PRIM2: variants seen among roughly 807,000 people sequenced by gnomAD.
The protein encoded by PRIM2 is DNA primase large subunit.
PRIM2 carries 39 observed loss-of-function variants against 67.3 expected under a neutral mutation model. The ratio of observed to expected loss-of-function variants is 0.58; its 90% CI spans 0.45 to 0.76. The LOEUF is 0.76. Among genes scored for constraint, PRIM2 ranks in the 30% least tolerant of loss-of-function variants. PRIM2 has a pLI of 0.00. For missense variants in PRIM2, 398 were observed against 598.7 expected (o/e 0.66, Z 3.50); for synonymous variants, 143 against 198.7 (o/e 0.72, Z 2.36).
chr6:57,339,604 G>A (rs1481444841), intron 5 of PRIM2, among the ~76,000 whole-genome samples: 2 of 152,148 alleles, frequency 1.3e-5, no homozygotes, highest in East Asian at 1.9e-4. Context: ...AAGCAATGGG[G>A]AAAGGATTCC....
intron 7 of PRIM2, among the ~76,000 whole-genome samples, chr6:57,390,779 T>C (rs949824161): frequency 6.6e-6 from 1 of 152,258 alleles, no homozygotes; most frequent in Non-Finnish European, 1.5e-5. Context: ...CTTTATCTAG[T>C]CTGTCACTGA....
intron 5 of PRIM2, among the ~76,000 whole-genome samples, chr6:57,357,787 G>C (rs113385783): frequency 0.13 from 19,310 of 151,862 alleles, 1,376 homozygotes; most frequent in African/African-American, 0.18. Context: ...GTAGAGATGG[G>C]GTTTCACCAT....
At chr6:57,565,826 AT>A (rs1362494124) in intron 10 of PRIM2, among the ~76,000 whole-genome samples, 1 of 152,220 alleles carries the variant, frequency 6.6e-6, no homozygotes. Context: ...TTCTTACATA[AT>A]TTTAGTGTTA....
At chr6:57,474,841 T>C (rs1448215014) in intron 7 of PRIM2, among the ~76,000 whole-genome samples, 1 of 152,214 alleles carries the variant, frequency 6.6e-6, no homozygotes, top group African/African-American at 2.4e-5. Context: ...TTTTAACCTA[T>C]GCTGTTCAGT....
At chr6:57,271,623 T>G in the PRIM2 span, among the ~76,000 whole-genome samples, 16 of 152,280 alleles carry the variant, frequency 1.1e-4, no homozygotes, top group African/African-American at 3.4e-4. Flanking sequence ...GTGTCTCTAT[T>G]TCCTTCAGTT....
chr6:57,525,899 G>T (rs1554349314), intron 8 of PRIM2, among the ~76,000 whole-genome samples: 3 of 152,162 alleles, frequency 2.0e-5, no homozygotes, highest in Non-Finnish European at 4.4e-5. Context: ...CTGAGAGATA[G>T]GGGGGTTGTA....
chr6:57,249,847 C>T, the PRIM2 span, among the ~76,000 whole-genome samples: 2 of 152,152 alleles, frequency 1.3e-5, no homozygotes, highest in Non-Finnish European at 2.9e-5. Context: ...GTTTAAGGAC[C>T]TAGACCTGAG....
intron 13 of PRIM2, among the ~76,000 whole-genome samples, chr6:57,645,321 T>TCACA (rs1189530732): frequency 0.013 from 1,717 of 132,790 alleles, 17 homozygotes; most frequent in Non-Finnish European, 0.017. Flanking sequence ...ACAATGTCAT[T>TCACA]CACACACACA....
chr6:57,541,451 A>G (rs1775151516), intron 10 of PRIM2, among the ~76,000 whole-genome samples: 1 of 152,136 alleles, frequency 6.6e-6, no homozygotes, highest in Non-Finnish European at 1.5e-5. Flanking sequence ...CAGTGAATAT[A>G]TATAATACAG....
intron 12 of PRIM2, among the ~76,000 whole-genome samples, chr6:57,617,057 A>G (rs1172418605): frequency 6.6e-6 from 1 of 152,218 alleles, no homozygotes; most frequent in Non-Finnish European, 1.5e-5. Flanking sequence ...TTAAAAATTT[A>G]TCTCACAGTT....
intron 7 of PRIM2, among the ~76,000 whole-genome samples, chr6:57,433,465 T>C (rs1410927644): frequency 6.7e-6 from 1 of 148,208 alleles, no homozygotes; most frequent in Non-Finnish European, 1.5e-5. Flanking sequence ...GTTGAAAGAC[T>C]AGAACACTTT....
chr6:57,309,386 C>T, the PRIM2 span, among the ~76,000 whole-genome samples: 11 of 146,788 alleles, frequency 7.5e-5, no homozygotes, highest in South Asian at 2.2e-4. Context: ...TGAGAATATG[C>T]GGTGTTTGGT....
chr6:57,577,343 G>A (rs1184287690), intron 10 of PRIM2, among the ~76,000 whole-genome samples: 1 of 152,006 alleles, frequency 6.6e-6, no homozygotes, highest in Admixed American at 6.5e-5. Context: ...TGTAAAATAG[G>A]GATATTCACA....
intron 7 of PRIM2, among the ~76,000 whole-genome samples, chr6:57,489,079 G>A (rs1773818994): frequency 6.6e-6 from 1 of 152,162 alleles, no homozygotes; most frequent in South Asian, 2.1e-4. Context: ...CTGTGCAAGG[G>A]GCCACAGGCT....
the PRIM2 span, among the ~76,000 whole-genome samples, chr6:57,249,826 T>C: frequency 6.6e-6 from 1 of 152,202 alleles, no homozygotes; most frequent in African/African-American, 2.4e-5. Context: ...AGACTGGAGA[T>C]GGCACACTGA....
chr6:57,410,524 GT>G (rs1771053703), intron 7 of PRIM2, among the ~76,000 whole-genome samples: 1 of 151,988 alleles, frequency 6.6e-6, no homozygotes, highest in Non-Finnish European at 1.5e-5. Flanking sequence ...TTTATAATAA[GT>G]TTTGAAATTA....
chr6:57,224,135 C>A, the PRIM2 span, among the ~76,000 whole-genome samples: 27 of 152,044 alleles, frequency 1.8e-4, no homozygotes, highest in Non-Finnish European at 3.8e-4. Flanking sequence ...AAATATTATT[C>A]AGCCTTAAAA....
At chr6:57,602,515 T>C (rs1490020637) in intron 11 of PRIM2, among the ~76,000 whole-genome samples, 2 of 152,168 alleles carry the variant, frequency 1.3e-5, no homozygotes, top group Non-Finnish European at 2.9e-5. Flanking sequence ...AAACCATGGG[T>C]CCAGGTACTT....
At chr6:57,436,808 C>T (rs1772027620) in intron 7 of PRIM2, among the ~76,000 whole-genome samples, 1 of 152,134 alleles carries the variant, frequency 6.6e-6, no homozygotes, top group Non-Finnish European at 1.5e-5. Context: ...GGTATGTACA[C>T]ACTTAATAAA....
Sources: allele counts gnomAD v4.1 joint callset (sites outside exome capture counted in the v4.1 genomes callset), GRCh38; gene constraint gnomAD v4.1.1; transcripts MANE v1.5; gene names NCBI Gene and HGNC (gene_info 2026-07-23, HGNC 2026-07-21).